TRAPPC9: variants seen among roughly 807,000 people sequenced by gnomAD.
TRAPPC9 encodes the protein trafficking protein particle complex subunit 9.
TRAPPC9 carries 83 observed loss-of-function variants against 124.0 expected under a neutral mutation model. The observed-to-expected ratio is 0.67, with a 90% CI of 0.56 to 0.80. The LOEUF (loss-of-function observed/expected upper bound fraction) is 0.80, where lower values mean the gene tolerates loss of function less well. TRAPPC9 is among the 30% of genes least tolerant of loss of function. The probability of loss-of-function intolerance (pLI) is 0.00; values close to 1 mark genes in which losing one functional copy is unlikely to be tolerated. For missense variants in TRAPPC9, 1,302 were observed against 1,508.3 expected (o/e 0.86, Z 2.27); for synonymous variants, 638 against 617.5 (o/e 1.03, Z -0.49).
At chr8:139,770,900 C>T (rs544883027) in intron 21 of TRAPPC9, among the ~76,000 whole-genome samples, 29 of 152,166 alleles carry the variant, frequency 1.9e-4, no homozygotes, top group African/African-American at 6.3e-4. Flanking sequence ...CCGGGCCTGG[C>T]GGGCGTAGGG....
chr8:139,969,714 C>T (rs542666070), intron 19 of TRAPPC9, among the ~76,000 whole-genome samples: 14 of 152,334 alleles, frequency 9.2e-5, no homozygotes, highest in African/African-American at 3.1e-4. Flanking sequence ...CCCCCAGTGC[C>T]ACCAGGCACA....
At chr8:139,784,495 A>T (rs951256446) in intron 21 of TRAPPC9, among the ~76,000 whole-genome samples, 7 of 151,630 alleles carry the variant, frequency 4.6e-5, no homozygotes, top group African/African-American at 1.7e-4. Context: ...AATGGCCTGA[A>T]CCCAGGAGGC....
At chr8:140,272,098 G>GGTGATTGTGGTGGTGGCAATGGTGATA (rs1287626357) in intron 15 of TRAPPC9, among the ~76,000 whole-genome samples, 7 of 86,970 alleles carry the variant, frequency 8.0e-5, no homozygotes, top group East Asian at 5.3e-4. Flanking sequence ...TTGATGATGA[G>GGTGATTGTGGTGGTGGCAATGGTGATA]GTGATTGTGG....
At chr8:139,757,580 C>T (rs1819937426) in intron 21 of TRAPPC9, among the ~76,000 whole-genome samples, 1 of 151,968 alleles carries the variant, frequency 6.6e-6, no homozygotes, top group Non-Finnish European at 1.5e-5. Context: ...ATTAGGATGG[C>T]ATGTCGCAGG....
chr8:140,066,188 A>G lies in TRAPPC9; in HGVS notation c.2557-42109T>C, dbSNP rs1842887227. ...GCAGATATGGTAGAAATAGCAGTAG[A>G]ATTAGAATTAGAAGTGGAGTCTGAA... On this transcript the variant is annotated intron_variant, in intron 17 of 22. Coordinates refer to ENST00000438773, the MANE Select transcript of TRAPPC9 (RefSeq NM_001160372.4). Among the ~76,000 whole-genome samples the G allele has an allele frequency of 2.0e-5, 3 of 152,314 alleles. No individual in the cohort carries two copies. In the East Asian group the frequency reaches 5.8e-4, roughly 29 times the overall value.
At chr8:140,228,865 G>A (rs1263718919) in intron 16 of TRAPPC9, among the ~76,000 whole-genome samples, 1 of 152,144 alleles carries the variant, frequency 6.6e-6, no homozygotes. Flanking sequence ...CACACTTTGA[G>A]GGTAGGGGGG....
chr8:139,764,025 T>G (rs1310537752), intron 21 of TRAPPC9, among the ~76,000 whole-genome samples: 1 of 152,154 alleles, frequency 6.6e-6, no homozygotes, highest in Non-Finnish European at 1.5e-5. Flanking sequence ...GATGGGGGGT[T>G]GTGACCCCAG....
chr8:140,365,388 G>A (rs550990047), intron 8 of TRAPPC9, among the ~76,000 whole-genome samples: 5 of 152,286 alleles, frequency 3.3e-5, no homozygotes, highest in South Asian at 2.1e-4. Flanking sequence ...CGTGGAACGC[G>A]TGGTCTCCAC....
chr8:140,299,603 C>T (rs1341273572), intron 11 of TRAPPC9, among the ~76,000 whole-genome samples: 2 of 152,258 alleles, frequency 1.3e-5, no homozygotes, highest in African/African-American at 2.4e-5. Flanking sequence ...TGTCACAGGA[C>T]GTGTGGGCTC....
intron 15 of TRAPPC9, among the ~76,000 whole-genome samples, chr8:140,260,491 G>A (rs1453941638): frequency 1.3e-5 from 2 of 152,174 alleles, no homozygotes; most frequent in African/African-American, 4.8e-5. Flanking sequence ...CATGCAAATT[G>A]GAAGGTGATC....
At chr8:140,317,775 TA>T (rs1369359623) in intron 9 of TRAPPC9, among the ~76,000 whole-genome samples, 1 of 152,226 alleles carries the variant, frequency 6.6e-6, no homozygotes, top group African/African-American at 2.4e-5. Flanking sequence ...CTTTAGACTA[TA>T]AAATCTTTAA....
At chr8:139,899,495 G>C (rs888001727) in intron 20 of TRAPPC9, among the ~76,000 whole-genome samples, 6 of 152,166 alleles carry the variant, frequency 3.9e-5, no homozygotes, top group African/African-American at 1.4e-4. Context: ...AGGCAGAAGA[G>C]CAGGAAGAGG....
At chr8:139,737,477 C>CCCT (rs1266473296) in intron 21 of TRAPPC9, among the ~76,000 whole-genome samples, 1 of 129,948 alleles carries the variant, frequency 7.7e-6, no homozygotes. Context: ...CCCCCCCCCC[C>CCCT]CACGGAAAAC....
At chr8:140,419,818 G>C (rs1013350687) in intron 5 of TRAPPC9, among the ~76,000 whole-genome samples, 1 of 152,004 alleles carries the variant, frequency 6.6e-6, no homozygotes, top group Admixed American at 6.6e-5. Context: ...CCCGGAAGGC[G>C]GAGCTTGCAG....
chr8:140,346,196 G>T (rs76198324), intron 9 of TRAPPC9, among the ~76,000 whole-genome samples: 1 of 152,198 alleles, frequency 6.6e-6, no homozygotes, highest in Non-Finnish European at 1.5e-5. Flanking sequence ...GAGTGCATCG[G>T]CTGGGGAGGG....
Position 140,241,587 on chromosome 8 carries a change from C to T in TRAPPC9, c.2431+11190G>A, listed in dbSNP as rs1352616811. 2.0e-5 allele frequency among the ~76,000 whole-genome samples: 3 copies of T among 151,938 alleles called. No individual in the cohort carries two copies. Among genetic ancestry groups the T allele is most frequent in the East Asian group, 1.9e-4 (1 of 5,160 alleles). ...GTGTGCGCCTGTAGTCCCAGCTATT[C>T]GGAAGGCTGAGACAGGAGAATCGCT... On this transcript the variant is annotated intron_variant, in intron 16 of 22. Coordinates refer to ENST00000438773, the MANE Select transcript of TRAPPC9 (RefSeq NM_001160372.4). The surrounding 1 kb of genome is among the most constrained non-coding windows in gnomAD (Gnocchi z 5.0).
intron 17 of TRAPPC9, among the ~76,000 whole-genome samples, chr8:140,169,645 G>C (rs1188457881): frequency 1.3e-5 from 2 of 152,192 alleles, no homozygotes; most frequent in African/African-American, 4.8e-5. Flanking sequence ...CTTGAGAACA[G>C]GCTAAGTGAG....
In TRAPPC9 at chr8:139,730,892, G is replaced by A. The variant is rs897310917; in HGVS notation, c.*169C>T. On this transcript the variant is annotated 3_prime_UTR_variant, in exon 23 of 23. Transcript: ENST00000438773. ...GGGCTGCCATGTCCGGGGCTTCTGCGTAGCCCAGCAAAGATGCTACAGGAG... is the reference window on the plus strand; with the variant it reads ...GGGCTGCCATGTCCGGGGCTTCTGCATAGCCCAGCAAAGATGCTACAGGAG... 1.7e-5 allele frequency: 13 copies of A among 745,534 alleles called. No homozygotes were observed. The highest frequency in any genetic ancestry group is 1.1e-4 in the African/African-American group (6 of 56,846). The allele number at this position is 745,534 out of a possible 1,614,324, so 46.2% of individuals were successfully genotyped here. A position where few individuals can be genotyped will look rare whatever the true frequency, so the allele number is the denominator to read the frequency against.
chr8:140,301,270 T>A (rs1433128466), intron 10 of TRAPPC9, among the ~76,000 whole-genome samples: 1 of 152,238 alleles, frequency 6.6e-6, no homozygotes, highest in Non-Finnish European at 1.5e-5. Flanking sequence ...TGCCAATCTG[T>A]ACTCATGCTC....
Sources: allele counts gnomAD v4.1 joint callset (sites outside exome capture counted in the v4.1 genomes callset), GRCh38; gene constraint gnomAD v4.1.1; non-coding constraint Gnocchi (gnomAD v3.1); transcripts MANE v1.5; gene names NCBI Gene and HGNC (gene_info 2026-07-23, HGNC 2026-07-21).